The following DCC variants were observed in gnomAD, a reference collection of about 807,000 sequenced individuals.
DCC encodes netrin receptor DCC.
Under a neutral mutation model 172.5 loss-of-function variants are expected in DCC, and 58 were observed. That is an observed-to-expected ratio of 0.34 (90% CI 0.27 to 0.42). The LOEUF is 0.42. Ranked by LOEUF, DCC falls within the 10% of genes least tolerant of loss-of-function variation. The probability of loss-of-function intolerance (pLI) is 1.00; values close to 1 mark genes in which losing one functional copy is unlikely to be tolerated. For synonymous variants in DCC, 709 were observed against 644.5 expected, an observed-to-expected ratio of 1.10 and a Z score of -1.52; for missense variants, 1,740 against 1,791.0, an observed-to-expected ratio of 0.97 and a Z score of 0.51.
intron 7 of DCC, among the ~76,000 whole-genome samples, chr18:53,103,914 G>A (rs1182213538): frequency 1.3e-5 from 2 of 151,950 alleles, no homozygotes; most frequent in Non-Finnish European, 2.9e-5. Flanking sequence ...AAACACAGCT[G>A]GACTAGGGAG....
At chr18:52,768,376 A>C (rs28705883) in intron 2 of DCC, among the ~76,000 whole-genome samples, 16,712 of 152,206 alleles carry the variant, frequency 0.11, 3,050 homozygotes, top group African/African-American at 0.38. Flanking sequence ...CCTATGGTAA[A>C]TCGCCAATGG....
At chr18:53,180,850 T>C (rs1223726748) in intron 9 of DCC, among the ~76,000 whole-genome samples, 1 of 152,084 alleles carries the variant, frequency 6.6e-6, no homozygotes, top group African/African-American at 2.4e-5. Flanking sequence ...TGACCTCAAG[T>C]GATCCCCCTG....
At chr18:53,237,121 T>C (rs2056215674) in intron 12 of DCC, 5 of 152,410 alleles carry the variant, frequency 3.3e-5, no homozygotes, top group Middle Eastern at 2.1e-3. Context: ...AGAGTACAGA[T>C]CTTTATATAT....
chr18:52,369,491 G>T lies in DCC; in HGVS notation c.91+28613G>T, dbSNP rs1985022523. 2.0e-5 allele frequency among the ~76,000 whole-genome samples: 3 copies of T among 152,058 alleles called. No individual in the cohort carries two copies. In the South Asian group the frequency reaches 6.3e-4, roughly 32 times the overall value. On this transcript the variant is annotated intron_variant, in intron 1 of 28. Transcript: ENST00000442544. The stretch of plus-strand genomic sequence containing the variant: ...TGGGTGTAGGAGCCGATGGAAGAGT[G>T]GGTGAATAATCGAAGAAGGCAGCCC...
Position 53,410,648 on chromosome 18 carries a change from T to C in DCC, c.3130+2T>C. Reference sequence around the variant, plus strand: ...CTATCCTCTTCAGGACTCTGAAAGGTTTGAATAATTTCCTATTATGCTTTT... The same window carrying C: ...CTATCCTCTTCAGGACTCTGAAAGGCTTGAATAATTTCCTATTATGCTTTT... On this transcript the variant is annotated splice_donor_variant, in intron 20 of 28. Coordinates refer to ENST00000442544, the MANE Select transcript of DCC (RefSeq NM_005215.4). LOFTEE classifies it high-confidence loss of function. 6.5e-7 allele frequency: 1 copy of C among 1,544,704 alleles called. No individual in the cohort carries two copies. Among genetic ancestry groups the C allele is most frequent in the Non-Finnish European group, 9.0e-7 (1 of 1,115,496 alleles).
At chr18:52,806,300 G>A (rs62083306) in intron 2 of DCC, among the ~76,000 whole-genome samples, 3,364 of 152,222 alleles carry the variant, frequency 0.022, 57 homozygotes, top group Middle Eastern at 0.075. Context: ...TGATATTTTT[G>A]TTAAAATAGA....
chr18:53,317,688 C>A (rs1196465328), intron 13 of DCC, among the ~76,000 whole-genome samples: 1 of 152,164 alleles, frequency 6.6e-6, no homozygotes, highest in African/African-American at 2.4e-5. Flanking sequence ...TCGACTTCTT[C>A]CTGGTTTAGT....
At chr18:53,310,076 T>C (rs1240177509) in intron 13 of DCC, among the ~76,000 whole-genome samples, 1 of 151,562 alleles carries the variant, frequency 6.6e-6, no homozygotes, top group Non-Finnish European at 1.5e-5. Context: ...AATCGTTCCC[T>C]CCTCTCCCCT....
chr18:53,343,654 C>G (rs895741377), intron 15 of DCC, among the ~76,000 whole-genome samples: 1 of 151,774 alleles, frequency 6.6e-6, no homozygotes, highest in Admixed American at 6.6e-5. Context: ...CTCTTTTACT[C>G]CAGTTAGATT....
At chr18:52,677,206 A>G (rs2035660367) in intron 1 of DCC, among the ~76,000 whole-genome samples, 1 of 152,296 alleles carries the variant, frequency 6.6e-6, no homozygotes, top group South Asian at 2.1e-4. Flanking sequence ...TTTAATCATA[A>G]ATATTGTCCA....
rs1330722397 is a variant in DCC at position 53,351,314 on chromosome 18, T to TATAC, written c.2359+11408_2359+11409insTACA. Among the ~76,000 whole-genome samples the TATAC allele has an allele frequency of 9.9e-4, 18 of 18,240 alleles. 1 individual carries two copies. The highest frequency in any genetic ancestry group is 8.9e-3 in the South Asian group (3 of 336). 12.0% of individuals were successfully genotyped at this position (18,240 alleles called of 152,430 possible). A position where few individuals can be genotyped will look rare whatever the true frequency, so the allele number is the denominator to read the frequency against. ...CAGTATATATATATATATATATATATACACTGTATATATATATACAGTGTA... is the reference window on the plus strand; with the variant it reads ...CAGTATATATATATATATATATATATATACACACTGTATATATATATACAGTGTA... On this transcript the variant is annotated intron_variant, in intron 15 of 28. Coordinates refer to ENST00000442544, the MANE Select transcript of DCC (RefSeq NM_005215.4).
chr18:53,014,124 G>A (rs909763107), intron 5 of DCC, among the ~76,000 whole-genome samples: 1 of 152,082 alleles, frequency 6.6e-6, no homozygotes, highest in African/African-American at 2.4e-5. Context: ...TATTCTGATC[G>A]TAATGATCAT....
chr18:52,435,007 C>T (rs1272691249), intron 1 of DCC, among the ~76,000 whole-genome samples: 8 of 152,144 alleles, frequency 5.3e-5, no homozygotes, highest in African/African-American at 1.2e-4. Context: ...CTAGGTGATT[C>T]GGTTATCTCA....
rs569177199 is a variant in DCC at position 52,872,846 on chromosome 18, T to C, written c.413-33198T>C. On this transcript the variant is annotated intron_variant, in intron 2 of 28. Coordinates refer to ENST00000442544, the MANE Select transcript of DCC (RefSeq NM_005215.4). Reference sequence around the variant, plus strand: ...CACTTGTAAGAGCTCAGTGATGATATAACACTTGAAAAAATCTTCACCACA... The same window carrying C: ...CACTTGTAAGAGCTCAGTGATGATACAACACTTGAAAAAATCTTCACCACA... Among the ~76,000 whole-genome samples the C allele has an allele frequency of 7.2e-5, 11 of 152,312 alleles. No individual in the cohort carries two copies. The East Asian group carries it at 1.3e-3, about 19-fold the overall frequency.
intron 1 of DCC, among the ~76,000 whole-genome samples, chr18:52,354,122 G>C (rs1336972809): frequency 6.6e-6 from 1 of 152,156 alleles, no homozygotes; most frequent in East Asian, 1.9e-4. Context: ...CTTAGTTACT[G>C]GAGTAGTAAT....
chr18:53,099,634 A>G (rs1219185011), intron 7 of DCC, among the ~76,000 whole-genome samples: 1 of 152,148 alleles, frequency 6.6e-6, no homozygotes, highest in Non-Finnish European at 1.5e-5. Flanking sequence ...GTTGAGCACT[A>G]TATATTTGTC....
At chr18:52,564,276 TA>T (rs2144745714) in intron 1 of DCC, among the ~76,000 whole-genome samples, 1 of 152,248 alleles carries the variant, frequency 6.6e-6, no homozygotes, top group Non-Finnish European at 1.5e-5. Context: ...TTATTTGCTT[TA>T]TAGTCATTGT....
intron 1 of DCC, among the ~76,000 whole-genome samples, chr18:52,713,283 A>C (rs1292788411): frequency 4.6e-5 from 7 of 152,240 alleles, no homozygotes; most frequent in Non-Finnish European, 8.8e-5. Flanking sequence ...CACAATGCAG[A>C]CTGTGCAAAA....
chr18:53,298,635 G>A (rs936212179), intron 12 of DCC, among the ~76,000 whole-genome samples: 1 of 150,614 alleles, frequency 6.6e-6, no homozygotes, highest in Non-Finnish European at 1.5e-5. Flanking sequence ...TTGTTCTAAG[G>A]TTTAATATCT....
Sources: gnomAD v4.1 joint callset for allele counts (sites outside exome capture counted in the v4.1 genomes callset) on GRCh38, gnomAD v4.1.1 for gene constraint, MANE v1.5 for transcripts, NCBI Gene and HGNC (gene_info 2026-07-23, HGNC 2026-07-21) for gene names.